Variants in PCDH7 observed in about 807,000 individuals in gnomAD.
PCDH7 encodes the protein protocadherin 7, also known as protocadherin-7.
Under a neutral mutation model 58.9 loss-of-function variants are expected in PCDH7, and 17 were observed. That is an observed-to-expected ratio of 0.29 (90% confidence interval 0.20 to 0.43). The LOEUF is 0.43. Among genes scored for constraint, PCDH7 ranks in the 20% least tolerant of loss-of-function variants. PCDH7 has a pLI of 1.00. For synonymous variants in PCDH7, 664 were observed against 616.4 expected (o/e 1.08, Z -1.14); for missense variants, 1,274 against 1,441.0 (o/e 0.88, Z 1.88).
At chr4:31,092,626 C>G (rs1713402790) in intron 3 of PCDH7, among the ~76,000 whole-genome samples, 2 of 152,056 alleles carry the variant, frequency 1.3e-5, no homozygotes, top group African/African-American at 4.8e-5. Context: ...GCATACATTT[C>G]CAGGAATTCC....
At chr4:30,974,720 G>C (rs1578462667) in intron 3 of PCDH7, among the ~76,000 whole-genome samples, 1 of 152,204 alleles carries the variant, frequency 6.6e-6, no homozygotes, top group East Asian at 1.9e-4. Flanking sequence ...TCTCTATTCA[G>C]CCCAATTCAG....
chr4:31,110,278 C>T (rs553771689), intron 3 of PCDH7, among the ~76,000 whole-genome samples: 5 of 152,314 alleles, frequency 3.3e-5, no homozygotes, highest in African/African-American at 1.2e-4. Flanking sequence ...TTAACACCCA[C>T]AGTTTTTATT....
intron 1 of PCDH7, among the ~76,000 whole-genome samples, chr4:30,792,805 T>C: frequency 6.6e-6 from 1 of 152,172 alleles, no homozygotes; most frequent in East Asian, 1.9e-4. Context: ...CTCCCCTATG[T>C]GTCAGACTTA....
chr4:31,128,671 C>G (rs1333732441), intron 3 of PCDH7, among the ~76,000 whole-genome samples: 2 of 152,130 alleles, frequency 1.3e-5, no homozygotes, highest in Non-Finnish European at 2.9e-5. Flanking sequence ...ATGTGTATTT[C>G]CTTGTGACCA....
chr4:30,920,083 A>C, intron 1 of PCDH7, 70 bp from the exon 2 acceptor site: 1 of 1,161,394 alleles, frequency 8.6e-7, no homozygotes, highest in Non-Finnish European at 1.2e-6. Context: ...TATGTAATTT[A>C]TGTATTTTTT....
chr4:30,992,721 A>G (rs2109125854), intron 3 of PCDH7, among the ~76,000 whole-genome samples: 1 of 152,142 alleles, frequency 6.6e-6, no homozygotes, highest in South Asian at 2.1e-4. Context: ...AAATACATAT[A>G]ACAAGCTCTT....
intron 3 of PCDH7, among the ~76,000 whole-genome samples, chr4:31,050,772 ATTTGTAGGATAC>A (rs2109220029): frequency 6.6e-6 from 1 of 152,304 alleles, no homozygotes; most frequent in Admixed American, 6.5e-5. Context: ...AGTAGATAAC[ATTTGTAGGATAC>A]TTTAGAATTC....
At chr4:30,791,927 T>A (rs2109299157) in intron 1 of PCDH7, among the ~76,000 whole-genome samples, 1 of 152,358 alleles carries the variant, frequency 6.6e-6, no homozygotes, top group South Asian at 2.1e-4. Flanking sequence ...ATTGTCATAT[T>A]ATCATAAAAA....
At chr4:31,098,398 T>C (rs1323096328) in intron 3 of PCDH7, among the ~76,000 whole-genome samples, 1 of 152,224 alleles carries the variant, frequency 6.6e-6, no homozygotes, top group African/African-American at 2.4e-5. Context: ...AATTAGTTTA[T>C]ACACATTATT....
intron 1 of PCDH7, among the ~76,000 whole-genome samples, chr4:30,727,834 G>C (rs1714844713): frequency 1.3e-5 from 2 of 151,844 alleles, no homozygotes; most frequent in Non-Finnish European, 2.9e-5. Context: ...TCCCCCCAAA[G>C]AGTGATAGTA....
chr4:31,097,625 T>TAA (rs1161264307), intron 3 of PCDH7, among the ~76,000 whole-genome samples: 7 of 41,370 alleles, frequency 1.7e-4, no homozygotes, highest in African/African-American at 1.0e-3. Flanking sequence ...TATATATATA[T>TAA]ATATATATAT....
chr4:30,962,266 A>C (rs1415032169), intron 3 of PCDH7, among the ~76,000 whole-genome samples: 1 of 152,200 alleles, frequency 6.6e-6, no homozygotes, highest in African/African-American at 2.4e-5. Flanking sequence ...AAGTTCAGGA[A>C]ATATGACAAA....
At chr4:31,020,933 G>A (rs537377522) in intron 3 of PCDH7, among the ~76,000 whole-genome samples, 21 of 151,916 alleles carry the variant, frequency 1.4e-4, no homozygotes, top group Admixed American at 2.0e-4. Flanking sequence ...CTCCTCCTCC[G>A]TTTTCTTTAT....
intron 3 of PCDH7, among the ~76,000 whole-genome samples, chr4:31,037,694 A>T (rs1030406234): frequency 6.6e-6 from 1 of 152,164 alleles, no homozygotes; most frequent in Non-Finnish European, 1.5e-5. Flanking sequence ...TTTCATATCC[A>T]TTGCTCTCTT....
At chr4:30,892,739 T>G (rs1288101957) in intron 1 of PCDH7, among the ~76,000 whole-genome samples, 1 of 152,048 alleles carries the variant, frequency 6.6e-6, no homozygotes, top group Non-Finnish European at 1.5e-5. Context: ...TTGTCTTATT[T>G]TGGGGTATTG....
chr4:30,969,553 G>A (rs1749366339), intron 3 of PCDH7, among the ~76,000 whole-genome samples: 1 of 152,046 alleles, frequency 6.6e-6, no homozygotes, highest in Admixed American at 6.6e-5. Context: ...AAATATAGAA[G>A]CCATCTCTTT....
At chr4:30,828,172 A>G (rs951490055) in intron 1 of PCDH7, among the ~76,000 whole-genome samples, 1 of 152,112 alleles carries the variant, frequency 6.6e-6, no homozygotes, top group Non-Finnish European at 1.5e-5. Flanking sequence ...GTTAGTTTTG[A>G]GAGGATAAAA....
rs543995204 is a variant in PCDH7 at position 31,062,762 on chromosome 4, C to A, written c.*8-79711C>A. ...ATTTTGTGTTTCTGTGTGTGTGTCC[C>A]ATGAAACCTGATTTTTCTTGTACAC... On this transcript the variant is annotated intron_variant, in intron 3 of 3. Transcript: ENST00000509759. Among the ~76,000 whole-genome samples the A allele has an allele frequency of 4.0e-5, 6 of 151,794 alleles. No homozygotes were observed. The South Asian group carries it at 1.2e-3, about 31-fold the overall frequency.
chr4:30,921,688 G>A (rs972813858), intron 2 of PCDH7, among the ~76,000 whole-genome samples: 21 of 152,020 alleles, frequency 1.4e-4, no homozygotes, highest in African/African-American at 5.1e-4. Context: ...ATGGTGGTGT[G>A]TGCTTATGTG....
Sources: allele counts gnomAD v4.1 joint callset (sites outside exome capture counted in the v4.1 genomes callset), GRCh38; gene constraint gnomAD v4.1.1; transcripts MANE v1.5; gene names NCBI Gene and HGNC (gene_info 2026-07-23, HGNC 2026-07-21).